Variants in TTC29 observed in about 807,000 individuals in gnomAD.
TTC29 encodes tetratricopeptide repeat protein 29.
In TTC29, 49 loss-of-function variants were observed where a neutral mutation model predicts 58.1. That is an observed-to-expected ratio of 0.84 (90% CI 0.67 to 1.07). The LOEUF (loss-of-function observed/expected upper bound fraction) is 1.07. Among genes scored for constraint, TTC29 ranks in the 50% least tolerant of loss-of-function variants. TTC29 has a pLI of 0.00. For synonymous variants in TTC29, 209 were observed against 196.8 expected (o/e 1.06, Z -0.52); for missense variants, 582 against 555.6 (o/e 1.05, Z -0.48).
At chr4:146,864,801 G>C (rs2087958074) in intron 8 of TTC29, among the ~76,000 whole-genome samples, 1 of 151,916 alleles carries the variant, frequency 6.6e-6, no homozygotes, top group Non-Finnish European at 1.5e-5. Context: ...TTTCTTATAA[G>C]AATGTTTGTC....
chr4:146,719,607 CTATT>C, intron 11 of TTC29, among the ~76,000 whole-genome samples: 2 of 152,224 alleles, frequency 1.3e-5, no homozygotes, highest in East Asian at 3.9e-4. Flanking sequence ...AGTTGTTTGT[CTATT>C]TACTTTCTTG....
chr4:146,782,515 G>A (rs979637661), intron 11 of TTC29, among the ~76,000 whole-genome samples: 3 of 151,894 alleles, frequency 2.0e-5, no homozygotes, highest in African/African-American at 7.2e-5. Context: ...GCATTACTCT[G>A]TTGGAGAAAC....
chr4:146,730,080 A>T (rs1423783417), intron 11 of TTC29, among the ~76,000 whole-genome samples: 1 of 152,060 alleles, frequency 6.6e-6, no homozygotes, highest in Non-Finnish European at 1.5e-5. Flanking sequence ...TATTTTTATA[A>T]GGGTTTTCAT....
At chr4:146,728,774 CATATATATGTGT>C (rs1561066079) in intron 11 of TTC29, among the ~76,000 whole-genome samples, 5 of 124,046 alleles carry the variant, frequency 4.0e-5, no homozygotes, top group Middle Eastern at 4.2e-3. Flanking sequence ...TATATATACA[CATATATATGTGT>C]ATATATACGT....
Position 146,746,980 on chromosome 4 carries a change from C to A in TTC29, c.1331-39429G>T, listed in dbSNP as rs536783763. Among the ~76,000 whole-genome samples the A allele has an allele frequency of 2.0e-5, 3 of 152,226 alleles. No individual in the cohort carries two copies. In the South Asian group the frequency reaches 6.2e-4, roughly 32 times the overall value. On this transcript the variant is annotated intron_variant, in intron 11 of 12. Coordinates refer to ENST00000325106, the MANE Select transcript of TTC29 (RefSeq NM_031956.4). ...AACACAGAAACCTAAGGTGGCCACA[C>A]TGAGAAGGGAAGGAAACATGTCACC... is the stretch of plus-strand genomic sequence containing the variant.
At chr4:146,928,124 C>T (rs1415521149) in intron 4 of TTC29, among the ~76,000 whole-genome samples, 1 of 151,968 alleles carries the variant, frequency 6.6e-6, no homozygotes, top group Non-Finnish European at 1.5e-5. Flanking sequence ...TCATTCTAGG[C>T]CAAGAGAATG....
Position 146,832,771 on chromosome 4 carries a change from C to T in TTC29, c.977+1035G>A, listed in dbSNP as rs531638791. ...CCTCTCAAAGTGCTGGGATTACAGGCGTGAGCCACCGTGCCTGGCCTCTCC... is the reference window on the plus strand; with the variant it reads ...CCTCTCAAAGTGCTGGGATTACAGGTGTGAGCCACCGTGCCTGGCCTCTCC... On this transcript the variant is annotated intron_variant, in intron 9 of 12. Coordinates refer to ENST00000325106, the MANE Select transcript of TTC29 (RefSeq NM_031956.4). 9.9e-5 allele frequency among the ~76,000 whole-genome samples: 15 copies of T among 152,204 alleles called. No homozygotes were observed. In the East Asian group the frequency reaches 2.1e-3, roughly 22 times the overall value.
At chr4:146,753,949 A>C (rs1746228330) in intron 11 of TTC29, among the ~76,000 whole-genome samples, 1 of 152,096 alleles carries the variant, frequency 6.6e-6, no homozygotes, top group Non-Finnish European at 1.5e-5. Context: ...GATATACCTA[A>C]TGCTAAATGA....
At chr4:146,929,155 T>A (rs1735140144) in intron 4 of TTC29, among the ~76,000 whole-genome samples, 1 of 152,192 alleles carries the variant, frequency 6.6e-6, no homozygotes, top group Non-Finnish European at 1.5e-5. Context: ...AATCTTTCAA[T>A]ATATAAACCT....
At chr4:146,832,873 T>C (rs1728261095) in intron 9 of TTC29, among the ~76,000 whole-genome samples, 1 of 152,210 alleles carries the variant, frequency 6.6e-6, no homozygotes, top group Non-Finnish European at 1.5e-5. Flanking sequence ...ATATCTTTAA[T>C]TTCATTGGTA....
At chr4:146,894,777 T>C (rs893372840) in intron 6 of TTC29, among the ~76,000 whole-genome samples, 2 of 152,166 alleles carry the variant, frequency 1.3e-5, no homozygotes, top group Non-Finnish European at 2.9e-5. Context: ...GTCTGTATGC[T>C]GTGTTCAGTG....
rs1286999264 is a variant in TTC29, at chr4:146,939,834, T to C, written c.62A>G (p.Lys21Arg). ...RPKLTALARQKLPCSSRKIPR... is the reference protein window; with the variant it reads ...RPKLTALARQRLPCSSRKIPR... The stretch of plus-strand genomic sequence containing the variant: ...AATTTTTCTGGAGGAGCAAGGCAGC[T>C]TCTGTCTGGCTAAGGCTGTAAGCTT... Residue 21 changes from lysine (K) to arginine (R), a missense_variant, in exon 3 of 13, where the codon AAG (lysine) becomes AGG (arginine). Transcript: ENST00000325106. The C allele has an allele frequency of 1.9e-6, 3 of 1,613,194 alleles. No homozygotes were observed. Among genetic ancestry groups the C allele is most frequent in the Non-Finnish European group, 2.5e-6 (3 of 1,179,646 alleles).
chr4:146,778,508 G>T (rs1395752394), intron 11 of TTC29, among the ~76,000 whole-genome samples: 2 of 151,850 alleles, frequency 1.3e-5, no homozygotes, highest in Non-Finnish European at 2.9e-5. Flanking sequence ...TCGTTTCATG[G>T]GTGTCAATTT....
chr4:146,849,899 G>A lies in TTC29; in HGVS notation c.886-16002C>T, dbSNP rs573930735. On this transcript the variant is annotated intron_variant, in intron 8 of 12. Transcript: ENST00000325106. ...ACAGGCTTCCAGTCTTTTCCCAAAA[G>A]TCAGCCTCTCAATGCAGCCTTCTCT... Among the ~76,000 whole-genome samples, 3 of 152,254 alleles carry A rather than the reference G, an allele frequency of 2.0e-5. No individual in the cohort carries two copies. The South Asian group carries it at 6.2e-4, about 32-fold the overall frequency.
chr4:146,869,214 A>G lies in TTC29; in HGVS notation c.800-1631T>C, dbSNP rs139678936. On this transcript the variant is annotated intron_variant, in intron 7 of 12. Transcript: ENST00000325106. ...AAGTATCCTTAGATTTCTGAGCTCC[A>G]CATTCCAACCATGAAGGATGTCAGC... 5.0e-3 allele frequency among the ~76,000 whole-genome samples: 767 copies of G among 152,166 alleles called. 6 individuals are homozygous for G. Among genetic ancestry groups the G allele is most frequent in the African/African-American group, 0.017 (715 of 41,532 alleles).
intron 11 of TTC29, among the ~76,000 whole-genome samples, chr4:146,793,196 GAA>G (rs1238143278): frequency 6.6e-6 from 1 of 152,188 alleles, no homozygotes; most frequent in Non-Finnish European, 1.5e-5. Context: ...AATTTTAAGA[GAA>G]GTTCTACAGT....
In TTC29 at chr4:146,810,587, T is replaced by C. The variant is rs1187709296; in HGVS notation, c.1102-6902A>G. On this transcript the variant is annotated intron_variant, in intron 10 of 12. Transcript: ENST00000325106. ...CTAATGAAATATTTTTTACATACCT[T>C]CTTTTTTTTTTTTTTTTTTTTTGAG... 7.3e-5 allele frequency among the ~76,000 whole-genome samples: 9 copies of C among 122,770 alleles called. No individual in the cohort carries two copies. The East Asian group carries it at 2.0e-3, about 28-fold the overall frequency. The allele number at this position is 122,770 out of a possible 152,430, so 80.5% of individuals were successfully genotyped here.
chr4:146,719,356 G>C (rs1266426475), intron 11 of TTC29, among the ~76,000 whole-genome samples: 1 of 152,088 alleles, frequency 6.6e-6, no homozygotes, highest in African/African-American at 2.4e-5. Context: ...AAAGGTTGGA[G>C]AGATTAACTT....
At chr4:146,932,624 A>G (rs1177791077) in intron 4 of TTC29, among the ~76,000 whole-genome samples, 1 of 152,212 alleles carries the variant, frequency 6.6e-6, no homozygotes, top group African/African-American at 2.4e-5. Flanking sequence ...AGTTCATAAA[A>G]GCATCTTTGG....
Sources: allele counts gnomAD v4.1 joint callset (sites outside exome capture counted in the v4.1 genomes callset), GRCh38; gene constraint gnomAD v4.1.1; transcripts MANE v1.5; gene names NCBI Gene and HGNC (gene_info 2026-07-23, HGNC 2026-07-21).